The following CYREN variants were observed in gnomAD, a reference collection of about 807,000 sequenced individuals.
The protein encoded by CYREN is cell cycle regulator of NHEJ.
CYREN carries 7 observed loss-of-function variants against 9.7 expected under a neutral mutation model. That is an observed-to-expected ratio of 0.72 (90% CI 0.41 to 1.36). The LOEUF is 1.36. Ranked by LOEUF, CYREN falls within the 40% of genes most tolerant of loss-of-function variation. The pLI is 0.01. For synonymous variants in CYREN, 76 were observed against 77.9 expected, an observed-to-expected ratio of 0.98 and a Z score of 0.13; for missense variants, 215 against 198.1, an observed-to-expected ratio of 1.09 and a Z score of -0.51.
chr7:135,169,329 C>T (rs536961597), intron 1 of CYREN: 120 of 155,268 alleles, frequency 7.7e-4, no homozygotes, highest in African/African-American at 2.7e-3. Flanking sequence ...ACAGGAGGAA[C>T]GGAAGGAGGC....
At chr7:135,126,196 C>T (rs1198514814) in intron 2 of CYREN, among the ~76,000 whole-genome samples, 1 of 152,210 alleles carries the variant, frequency 6.6e-6, no homozygotes, top group Non-Finnish European at 1.5e-5. Flanking sequence ...TCAGCAAAGT[C>T]TCAGAATACA....
chr7:135,139,713 T>C (rs1232462341), intron 2 of CYREN, among the ~76,000 whole-genome samples: 1 of 152,168 alleles, frequency 6.6e-6, no homozygotes, highest in Non-Finnish European at 1.5e-5. Context: ...AGGTTTTACA[T>C]TTAAGTCTTT....
intron 2 of CYREN, chr7:135,135,512 G>GA (rs1158157486): frequency 7.1e-6 from 2 of 281,806 alleles, no homozygotes; most frequent in African/African-American, 2.2e-5. Context: ...TATCAGCATG[G>GA]AAAAAAATCT....
At chr7:135,132,520 A>G (rs537188657) in intron 2 of CYREN, among the ~76,000 whole-genome samples, 6 of 152,286 alleles carry the variant, frequency 3.9e-5, no homozygotes, top group Admixed American at 1.3e-4. Context: ...ATCTTACTCA[A>G]TAAAGTCCAT....
intron 1 of CYREN, among the ~76,000 whole-genome samples, chr7:135,169,912 G>A (rs1417162464): frequency 6.6e-6 from 1 of 152,158 alleles, no homozygotes; most frequent in Non-Finnish European, 1.5e-5. Flanking sequence ...ATATTACCAG[G>A]CCCTCCTCCT....
At chr7:135,094,543 A>G (rs1235196319) in exon 3 of CYREN, 4 of 456,654 alleles carry the variant, frequency 8.8e-6, no homozygotes, top group South Asian at 6.2e-5. Flanking sequence ...CAGGAATCCC[A>G]CCAGGTTCTC....
At chr7:135,127,661 A>G (rs1278866911) in intron 2 of CYREN, among the ~76,000 whole-genome samples, 1 of 152,222 alleles carries the variant, frequency 6.6e-6, no homozygotes. Flanking sequence ...AATTACTAAT[A>G]AGTCAAGAAA....
upstream of CYREN, among the ~76,000 whole-genome samples, chr7:135,171,623 T>G (rs1213941512): frequency 6.6e-6 from 1 of 152,174 alleles, no homozygotes; most frequent in Non-Finnish European, 1.5e-5. Context: ...CGACAGAAAT[T>G]GTGCACTCGG....
intron 2 of CYREN, among the ~76,000 whole-genome samples, chr7:135,137,327 G>A (rs1444435013): frequency 6.6e-6 from 1 of 151,934 alleles, no homozygotes; most frequent in Non-Finnish European, 1.5e-5. Context: ...TTAAAACAAT[G>A]TCAATAGAAA....
intron 2 of CYREN, among the ~76,000 whole-genome samples, chr7:135,146,318 C>A (rs1829547143): frequency 6.6e-6 from 1 of 152,122 alleles, no homozygotes; most frequent in Non-Finnish European, 1.5e-5. Context: ...CGGTTCATGG[C>A]ACCCCAAAAC....
At chr7:135,102,400 G>T (rs755917572) in intron 2 of CYREN, among the ~76,000 whole-genome samples, 3 of 152,050 alleles carry the variant, frequency 2.0e-5, no homozygotes, top group Non-Finnish European at 4.4e-5. Flanking sequence ...CTTAAAAAAT[G>T]TTAATAATAT....
chr7:135,170,763 C>G (rs765004546), upstream of CYREN: 1 of 152,254 alleles, frequency 6.6e-6, no homozygotes, highest in African/African-American at 2.4e-5. Context: ...CTCCCGGCCT[C>G]GGGACACTTC....
chr7:135,096,895 G>A (rs553558199), intron 2 of CYREN, among the ~76,000 whole-genome samples: 1 of 152,252 alleles, frequency 6.6e-6, no homozygotes, highest in Non-Finnish European at 1.5e-5. Flanking sequence ...GACAAAATAT[G>A]CAGAAAAGAA....
At chr7:135,125,154 A>C (rs1827695906) in intron 2 of CYREN, among the ~76,000 whole-genome samples, 1 of 152,202 alleles carries the variant, frequency 6.6e-6, no homozygotes, top group Admixed American at 6.5e-5. Context: ...CACTGGCTAG[A>C]CAAATAAAGA....
chr7:135,132,339 G>A (rs1356833646), intron 2 of CYREN, among the ~76,000 whole-genome samples: 1 of 152,120 alleles, frequency 6.6e-6, no homozygotes, highest in Non-Finnish European at 1.5e-5. Context: ...GTCTATTTCA[G>A]GAATTCAAGG....
At chr7:135,167,047 C>T (rs1026204704) in intron 3 of CYREN, 176 bp from the exon 4 acceptor site, 3 of 985,070 alleles carry the variant, frequency 3.0e-6, no homozygotes, top group Non-Finnish European at 2.4e-6. Flanking sequence ...TTCCCCTGAC[C>T]CCCTCTTCAC....
chr7:135,164,303 T>G (rs1585361367), downstream of CYREN: 1 of 814,440 alleles, frequency 1.2e-6, no homozygotes, highest in Non-Finnish European at 1.9e-6. Flanking sequence ...GAGGGCAGGG[T>G]AGGAGGGAAA....
chr7:135,163,588 T>A (rs1480586293), downstream of CYREN, among the ~76,000 whole-genome samples: 2 of 152,196 alleles, frequency 1.3e-5, no homozygotes, highest in Non-Finnish European at 1.5e-5. Context: ...GAGATTGCAG[T>A]GAGCCAAGAT....
At chr7:135,122,084 G>A (rs565121158) in intron 2 of CYREN, among the ~76,000 whole-genome samples, 39 of 152,340 alleles carry the variant, frequency 2.6e-4, no homozygotes, top group African/African-American at 8.9e-4. Flanking sequence ...TGAGTTCCTT[G>A]GGGGAGGGGC....
Sources: gnomAD v4.1 joint callset for allele counts (sites outside exome capture counted in the v4.1 genomes callset) on GRCh38, gnomAD v4.1.1 for gene constraint, MANE v1.5 for transcripts, NCBI Gene and HGNC (gene_info 2026-07-23, HGNC 2026-07-21) for gene names.